The following FAM184A variants were observed in gnomAD, a reference collection of about 807,000 sequenced individuals.
FAM184A encodes family with sequence similarity 184 member A, also known as protein FAM184A.
Under a neutral mutation model 143.8 loss-of-function variants are expected in FAM184A, and 99 were observed. The observed-to-expected ratio is 0.69, with a 90% confidence interval of 0.58 to 0.81. The LOEUF is 0.81. Among genes scored for constraint, FAM184A ranks in the 40% least tolerant of loss-of-function variants. FAM184A has a pLI of 0.00. For missense variants in FAM184A, 1,217 were observed against 1,310.5 expected, an observed-to-expected ratio of 0.93 and a Z score of 1.10; for synonymous variants, 427 against 446.4, an observed-to-expected ratio of 0.96 and a Z score of 0.55.
chr6:118,987,349 A>C (rs1466678979), intron 9 of FAM184A, among the ~76,000 whole-genome samples: 1 of 152,260 alleles, frequency 6.6e-6, no homozygotes, highest in East Asian at 1.9e-4. Context: ...GCCTTAGGAC[A>C]TCAAGAAAAA....
intron 1 of FAM184A, among the ~76,000 whole-genome samples, chr6:119,123,895 A>G (rs1198480026): frequency 6.6e-6 from 1 of 152,202 alleles, no homozygotes; most frequent in Non-Finnish European, 1.5e-5. Flanking sequence ...GAAGTTAGCC[A>G]TTTGCTGATT....
At chr6:119,091,971 A>T (rs1788380888) in intron 1 of FAM184A, among the ~76,000 whole-genome samples, 1 of 152,202 alleles carries the variant, frequency 6.6e-6, no homozygotes, top group Non-Finnish European at 1.5e-5. Flanking sequence ...TGGAGTGCCA[A>T]GAATAGAGGC....
At chr6:119,093,865 T>C (rs1328933335) in intron 1 of FAM184A, among the ~76,000 whole-genome samples, 4 of 152,156 alleles carry the variant, frequency 2.6e-5, no homozygotes, top group African/African-American at 9.7e-5. Flanking sequence ...TTAGCATAGA[T>C]CTTTAGCGTA....
At chr6:118,991,349 T>C (rs1282272518) in intron 9 of FAM184A, among the ~76,000 whole-genome samples, 2 of 151,898 alleles carry the variant, frequency 1.3e-5, no homozygotes, top group Non-Finnish European at 2.9e-5. Context: ...TTAGTAAAGA[T>C]GGAGTTTCAC....
chr6:118,960,312 G>C, intron 17 of FAM184A, 128 bp from the exon 18 acceptor site: 1 of 677,234 alleles, frequency 1.5e-6, no homozygotes, highest in East Asian at 2.8e-5. Flanking sequence ...GTGTTTTAAA[G>C]ATTTGCTACC....
chr6:118,988,006 CA>C (rs1008475752), intron 9 of FAM184A, among the ~76,000 whole-genome samples: 2 of 152,124 alleles, frequency 1.3e-5, no homozygotes, highest in Admixed American at 6.6e-5. Context: ...AGCTTTAAAG[CA>C]GTGATGTTGT....
chr6:118,981,168 T>C (rs1224054710), intron 9 of FAM184A, among the ~76,000 whole-genome samples: 2 of 149,948 alleles, frequency 1.3e-5, no homozygotes, highest in African/African-American at 2.4e-5. Context: ...ATACTTAAAA[T>C]TAAGTATTTT....
intron 6 of FAM184A, among the ~76,000 whole-genome samples, chr6:119,007,888 C>T (rs992859367): frequency 2.0e-5 from 3 of 150,904 alleles, no homozygotes; most frequent in African/African-American, 7.3e-5. Context: ...TTGCAGTGAG[C>T]GAGATTGTGC....
Position 119,057,879 on chromosome 6 carries a change from T to A in FAM184A, c.159+20262A>T, listed in dbSNP as rs867801142. 3 of 148,942 alleles carry A rather than the reference T, an allele frequency of 2.0e-5. No individual in the cohort carries two copies. In the South Asian group the frequency reaches 6.4e-4, roughly 32 times the overall value. 9.2% of individuals were successfully genotyped at this position (148,942 alleles called of 1,614,324 possible). A position where few individuals can be genotyped will look rare whatever the true frequency, so the allele number is the denominator to read the frequency against. ...TTTTTACTCTCTTAAAAGTTTGTGG[T>A]GGCTGCTCTGATAGTAGTGGGTTAT... On this transcript the variant is annotated intron_variant, in intron 1 of 17. Coordinates refer to ENST00000338891, the MANE Select transcript of FAM184A (RefSeq NM_024581.6).
Position 119,078,092 on chromosome 6 carries a change from G to A in FAM184A, c.159+49C>T, listed in dbSNP as rs1483486176. The A allele has an allele frequency of 6.5e-7, 1 of 1,539,366 alleles. No individual in the cohort carries two copies. Among genetic ancestry groups the A allele is most frequent in the Admixed American group, 1.9e-5 (1 of 51,624 alleles). ...GCCTCCCGGGGAGACAGGTGAGTCC[G>A]GCGCGGCCCGCACGGGGTCGCCACC... On this transcript the variant is annotated intron_variant, in intron 1 of 17. Coordinates refer to ENST00000338891, the MANE Select transcript of FAM184A (RefSeq NM_024581.6). This position sits in a 1 kb window ranked among gnomAD's most constrained non-coding sequence, Gnocchi z 5.5.
Position 119,066,153 on chromosome 6 carries a change from C to CT in FAM184A, c.159+11987dup, listed in dbSNP as rs538760428. Among the ~76,000 whole-genome samples, 30 of 152,270 alleles carry CT rather than the reference C, an allele frequency of 2.0e-4. No homozygotes were observed. The South Asian group carries it at 5.0e-3, about 25-fold the overall frequency. ...GATCAGACAAAATTGGCCTACATGA[C>CT]TTTGTAGAGAGCCATGTTGTGGTAA... On this transcript the variant is annotated intron_variant, in intron 1 of 17. Transcript: ENST00000338891.
chr6:119,115,346 C>T (rs1428749429), intron 1 of FAM184A, among the ~76,000 whole-genome samples: 2 of 151,988 alleles, frequency 1.3e-5, no homozygotes, highest in African/African-American at 4.8e-5. Context: ...CTGTTCTGAT[C>T]ACCCTGCAGA....
At chr6:119,076,818 T>G (rs1787888829) in intron 1 of FAM184A, among the ~76,000 whole-genome samples, 1 of 152,210 alleles carries the variant, frequency 6.6e-6, no homozygotes, top group South Asian at 2.1e-4. Flanking sequence ...GATGATACAC[T>G]ACTATCATTC....
intron 1 of FAM184A, among the ~76,000 whole-genome samples, chr6:119,044,473 C>T (rs138493318): frequency 6.6e-6 from 1 of 152,020 alleles, no homozygotes; most frequent in African/African-American, 2.4e-5. Flanking sequence ...GTCCTAGTTA[C>T]TCGGCAGGCT....
chr6:119,090,866 G>T (rs1162928773), intron 1 of FAM184A, among the ~76,000 whole-genome samples: 1 of 152,148 alleles, frequency 6.6e-6, no homozygotes, highest in Non-Finnish European at 1.5e-5. Context: ...TCAGGCTGAG[G>T]CTGCTATAAT....
At chr6:119,064,293 CACCT>C (rs1159115003) in intron 1 of FAM184A, among the ~76,000 whole-genome samples, 1 of 152,184 alleles carries the variant, frequency 6.6e-6, no homozygotes, top group African/African-American at 2.4e-5. Flanking sequence ...TCTTCAGCTA[CACCT>C]ACCAGGCAAA....
At chr6:119,128,251 C>T (rs562626615) in intron 1 of FAM184A, among the ~76,000 whole-genome samples, 9 of 152,236 alleles carry the variant, frequency 5.9e-5, no homozygotes, top group South Asian at 2.1e-4. Flanking sequence ...TTGGAAAGCC[C>T]GCAAAACCAA....
At chr6:119,093,501 T>C (rs192349026) in intron 1 of FAM184A, among the ~76,000 whole-genome samples, 1 of 152,360 alleles carries the variant, frequency 6.6e-6, no homozygotes, top group East Asian at 1.9e-4. Context: ...TCCTCTTTCC[T>C]GTCAGAATTT....
At chr6:118,984,814 C>T (rs1784141688) in intron 9 of FAM184A, among the ~76,000 whole-genome samples, 1 of 152,184 alleles carries the variant, frequency 6.6e-6, no homozygotes, top group Admixed American at 6.5e-5. Context: ...ATCATCTCTG[C>T]AGATTTTCAT....
Sources: gnomAD v4.1 joint callset for allele counts (sites outside exome capture counted in the v4.1 genomes callset) on GRCh38, gnomAD v4.1.1 for gene constraint, Gnocchi (gnomAD v3.1) non-coding constraint, MANE v1.5 for transcripts, NCBI Gene and HGNC (gene_info 2026-07-23, HGNC 2026-07-21) for gene names.